Variants in CNIH3 observed in about 807,000 individuals in gnomAD.
The protein encoded by CNIH3 is protein cornichon homolog 3.
CNIH3 carries 14 observed loss-of-function variants against 24.1 expected under a neutral mutation model. The observed-to-expected ratio is 0.58, with a 90% CI of 0.38 to 0.91. The LOEUF is 0.91. Among genes scored for constraint, CNIH3 ranks in the 40% least tolerant of loss-of-function variants. CNIH3 has a pLI of 0.00. For missense variants in CNIH3, 178 were observed against 196.8 expected (o/e 0.90, Z 0.57); for synonymous variants, 68 against 73.8 (o/e 0.92, Z 0.40).
intron 1 of CNIH3, chr1:224,454,257 G>GTT (rs11374306): frequency 0.2 from 145,418 of 741,298 alleles, 2,906 homozygotes; most frequent in Middle Eastern, 0.21. Flanking sequence ...CTACTAGTAA[G>GTT]TTTTTTTTTT....
At chr1:224,635,232 A>G (rs1684030538) in intron 1 of CNIH3, among the ~76,000 whole-genome samples, 1 of 152,116 alleles carries the variant, frequency 6.6e-6, no homozygotes, top group Admixed American at 6.6e-5. Flanking sequence ...ACTCACTATC[A>G]TGAGAACAGC....
intron 1 of CNIH3, among the ~76,000 whole-genome samples, chr1:224,620,444 T>C (rs1683224796): frequency 6.6e-6 from 1 of 152,242 alleles, no homozygotes; most frequent in African/African-American, 2.4e-5. Context: ...TAATAATTTA[T>C]ATCCAAAGGA....
At chr1:224,729,792 C>T (rs959474403) in intron 3 of CNIH3, among the ~76,000 whole-genome samples, 4 of 152,148 alleles carry the variant, frequency 2.6e-5, no homozygotes, top group Middle Eastern at 3.2e-3. Context: ...AGAGCTTAGT[C>T]TTCCTGCTGG....
At chr1:224,568,230 C>T (rs761767997) in intron 4 of CNIH3, among the ~76,000 whole-genome samples, 31 of 151,936 alleles carry the variant, frequency 2.0e-4, no homozygotes, top group Non-Finnish European at 3.5e-4. Context: ...TCGGAGGTTG[C>T]AGTGAGCCGA....
chr1:224,553,057 T>G (rs932582657), intron 3 of CNIH3, among the ~76,000 whole-genome samples: 1 of 148,276 alleles, frequency 6.7e-6, no homozygotes, highest in Non-Finnish European at 1.5e-5. Flanking sequence ...ATAGGGTGTA[T>G]ACACAGGGTG....
At chr1:224,733,019 T>TA (rs1689417267) in intron 4 of CNIH3, among the ~76,000 whole-genome samples, 1 of 152,118 alleles carries the variant, frequency 6.6e-6, no homozygotes, top group African/African-American at 2.4e-5. Context: ...TCCCCCTTTT[T>TA]ACTCCCCCTC....
chr1:224,665,431 G>A (rs998322645), intron 1 of CNIH3, among the ~76,000 whole-genome samples: 1 of 152,170 alleles, frequency 6.6e-6, no homozygotes, highest in African/African-American at 2.4e-5. Context: ...TTTAACATTC[G>A]TTGCAAGCAC....
At chr1:224,460,770 TG>T (rs1281805496) in intron 1 of CNIH3, among the ~76,000 whole-genome samples, 2 of 136,036 alleles carry the variant, frequency 1.5e-5, no homozygotes, top group Non-Finnish European at 3.1e-5. Context: ...GTAGGTTTTT[TG>T]GGTTTTTTTT....
intron 1 of CNIH3, among the ~76,000 whole-genome samples, chr1:224,485,322 A>G (rs1216941450): frequency 1.3e-5 from 2 of 152,206 alleles, no homozygotes; most frequent in Admixed American, 6.5e-5. Flanking sequence ...CTCCTAAAAC[A>G]CTACAACTAC....
At chr1:224,701,000 G>A (rs894425917) in intron 3 of CNIH3, among the ~76,000 whole-genome samples, 1 of 152,154 alleles carries the variant, frequency 6.6e-6, no homozygotes, top group Non-Finnish European at 1.5e-5. Context: ...GAGATCCCAG[G>A]CACTTCACTG....
rs368135429 is a variant in CNIH3, at chr1:224,572,631, T to C, written n.516+6367T>C. ...TCCCTTGATGAATTTTAGGATAGGG[T>C]TTTTTTTTTTTTTAATATTTCTGCC... On this transcript the variant is annotated intron_variant and non_coding_transcript_variant, in intron 4 of 5. Coordinates refer to the CNIH3 transcript ENST00000471578. 4.4e-5 allele frequency among the ~76,000 whole-genome samples: 6 copies of C among 136,722 alleles called. No homozygotes were observed. In the South Asian group the frequency reaches 1.4e-3, roughly 33 times the overall value. The allele number at this position is 136,722 out of a possible 152,430, so 89.7% of individuals were successfully genotyped here.
chr1:224,739,286 CCTT>C, intron 5 of CNIH3, 40 bp from the exon 6 acceptor site: 1 of 1,590,538 alleles, frequency 6.3e-7, no homozygotes, highest in Non-Finnish European at 8.5e-7. Flanking sequence ...TCTACTAACA[CCTT>C]CCTCTCTTTT....
At chr1:224,658,918 T>C (rs943414393) in intron 1 of CNIH3, among the ~76,000 whole-genome samples, 7 of 152,258 alleles carry the variant, frequency 4.6e-5, no homozygotes, top group Admixed American at 1.3e-4. Context: ...ACATAAACCT[T>C]TCATAACCTT....
At chr1:224,548,691 C>T (rs1448101777) in intron 3 of CNIH3, among the ~76,000 whole-genome samples, 2 of 151,828 alleles carry the variant, frequency 1.3e-5, no homozygotes, top group African/African-American at 4.8e-5. Context: ...GATGGCAGTA[C>T]ACCCTGTGTG....
intron 4 of CNIH3, among the ~76,000 whole-genome samples, chr1:224,582,596 ATT>A: frequency 6.6e-6 from 1 of 152,144 alleles, no homozygotes; most frequent in East Asian, 1.9e-4. Flanking sequence ...ATTCACCCAA[ATT>A]CTTCTTGGAG....
At chr1:224,502,877 G>A (rs1454662027) in intron 1 of CNIH3, among the ~76,000 whole-genome samples, 1 of 152,200 alleles carries the variant, frequency 6.6e-6, no homozygotes, top group Non-Finnish European at 1.5e-5. Context: ...CATAAAAGGT[G>A]GAGGGAAGGG....
At chr1:224,641,640 C>A (rs1326377517) in intron 1 of CNIH3, among the ~76,000 whole-genome samples, 1 of 152,356 alleles carries the variant, frequency 6.6e-6, no homozygotes, top group Admixed American at 6.5e-5. Flanking sequence ...GCAGGTGTGG[C>A]CTCTGCCTAG....
chr1:224,571,212 A>C (rs1040219785), intron 4 of CNIH3, among the ~76,000 whole-genome samples: 60 of 151,630 alleles, frequency 4.0e-4, no homozygotes, highest in African/African-American at 1.4e-3. Flanking sequence ...TTTCCCCCAA[A>C]CCCCTTGTTG....
At chr1:224,539,171 C>T (rs1281755889), downstream of CNIH3, among the ~76,000 whole-genome samples, 1 of 152,148 alleles carries the variant, frequency 6.6e-6, no homozygotes, top group Admixed American at 6.5e-5. Context: ...ACATGTCATC[C>T]TGCATACTGC....
Sources: allele counts gnomAD v4.1 joint callset (sites outside exome capture counted in the v4.1 genomes callset), GRCh38; gene constraint gnomAD v4.1.1; transcripts MANE v1.5; gene names NCBI Gene and HGNC (gene_info 2026-07-23, HGNC 2026-07-21).